MCMBP: variants seen among roughly 807,000 people sequenced by gnomAD.
The protein encoded by MCMBP is minichromosome maintenance complex binding protein.
MCMBP carries 31 observed loss-of-function variants against 81.3 expected under a neutral mutation model. That is an observed-to-expected ratio of 0.38 (90% CI 0.29 to 0.51). The LOEUF (loss-of-function observed/expected upper bound fraction) is 0.51. Ranked by LOEUF, MCMBP falls within the 20% of genes least tolerant of loss-of-function variation. The probability of loss-of-function intolerance (pLI) is 0.87; values close to 1 mark genes in which losing one functional copy is unlikely to be tolerated. For synonymous variants in MCMBP, 267 were observed against 275.9 expected (o/e 0.97, Z 0.32); for missense variants, 645 against 772.1 (o/e 0.84, Z 1.95).
chr10:119,841,959 G>A (rs1467050886), intron 10 of MCMBP, among the ~76,000 whole-genome samples: 1 of 152,190 alleles, frequency 6.6e-6, no homozygotes, highest in African/African-American at 2.4e-5. Context: ...ACTGGTTCAT[G>A]GCCTGTTAGG....
rs1265729431 is a variant in MCMBP at position 119,872,461 on chromosome 10, G to A, written c.58+66C>T. 1.4e-5 allele frequency: 14 copies of A among 998,466 alleles called. No homozygotes were observed. In the East Asian group the frequency reaches 5.4e-4, roughly 39 times the overall value. 61.9% of individuals were successfully genotyped at this position (998,466 alleles called of 1,614,324 possible). On this transcript the variant is annotated intron_variant, in intron 1 of 15. Transcript: ENST00000369077. ...GTACCGCGTGGGGGCCGCGCGGCGG[G>A]GCCCTGCCCCGGGGCCCGGCAAACT...
At chr10:119,873,476 G>C (rs1236678084), upstream of MCMBP, 1 of 152,288 alleles carries the variant, frequency 6.6e-6, no homozygotes, top group African/African-American at 2.4e-5. Flanking sequence ...CTGCGCCCTG[G>C]TTGCGAACAC....
Position 119,868,966 on chromosome 10 carries a change from G to A in MCMBP, c.58+3561C>T, listed in dbSNP as rs1263051822. Among the ~76,000 whole-genome samples, 3 of 152,278 alleles carry A rather than the reference G, an allele frequency of 2.0e-5. No homozygotes were observed. The East Asian group carries it at 5.8e-4, about 29-fold the overall frequency. On this transcript the variant is annotated intron_variant, in intron 1 of 15. Coordinates refer to ENST00000369077, the MANE Select transcript of MCMBP (RefSeq NM_001256378.2). ...AGCAAGGCAAGGGTGGAGCCAACAA[G>A]GGCCTCATAAACCACTTTAAAAGTC...
upstream of MCMBP, among the ~76,000 whole-genome samples, chr10:119,873,035 C>A (rs940967209): frequency 6.6e-6 from 1 of 151,854 alleles, no homozygotes; most frequent in Non-Finnish European, 1.5e-5. Flanking sequence ...GCGCGGGGCC[C>A]GGCGACGCGC....
rs549341607 is a variant in MCMBP at position 119,830,836 on chromosome 10, T to C, written c.*638A>G. ...TAGTACCCCAGATTTTTGGAAATATTACTACCGGTCCATAAAATACAAAAG... is the reference window on the plus strand; with the variant it reads ...TAGTACCCCAGATTTTTGGAAATATCACTACCGGTCCATAAAATACAAAAG... On this transcript the variant is annotated 3_prime_UTR_variant, in exon 16 of 16. Transcript: ENST00000369077. 3 of 152,740 alleles carry C rather than the reference T, an allele frequency of 2.0e-5. No homozygotes were observed. The highest frequency in any genetic ancestry group is 2.9e-5 in the Non-Finnish European group (2 of 68,030). The allele number at this position is 152,740 out of a possible 1,614,324, so 9.5% of individuals were successfully genotyped here.
intron 1 of MCMBP, among the ~76,000 whole-genome samples, chr10:119,870,674 T>C (rs1768186119): frequency 6.6e-6 from 1 of 152,174 alleles, no homozygotes; most frequent in African/African-American, 2.4e-5. Context: ...GGGAAAACAA[T>C]TTCCTACTAA....
Position 119,843,377 on chromosome 10 carries a change from C to A in MCMBP, c.877G>T (p.Glu293Ter), listed in dbSNP as rs1200363009. ...GCAGGAGGACTGTGTACTCTCTGCT[C>A]CTCTGCTGTGTCTGTGCACTCCATC... ...DPMECTDTAEEQRVHSPPASL... is the reference protein window; with the variant it reads ...DPMECTDTAE Residue 293 changes from glutamate (E) to a stop codon, truncating the protein, a stop_gained, in exon 9 of 16, where the codon GAG becomes TAG. Transcript: ENST00000369077. LOFTEE classifies it high-confidence loss of function. 6.2e-7 allele frequency: 1 copy of A among 1,613,930 alleles called. No individual in the cohort carries two copies.
chr10:119,872,597 C>G lies in MCMBP; in HGVS notation c.-13G>C. On this transcript the variant is annotated 5_prime_UTR_variant, in exon 1 of 16. Transcript: ENST00000369077. ...CCCCACACGGCATCTCGCCAGGGGC[C>G]GGGGCCGGCGAAGACCGGGCGGAGG... 8.5e-7 allele frequency: 1 copy of G among 1,170,216 alleles called. No individual in the cohort carries two copies. Among genetic ancestry groups the G allele is most frequent in the Non-Finnish European group, 1.1e-6 (1 of 941,500 alleles). The allele number at this position is 1,170,216 out of a possible 1,614,324, so 72.5% of individuals were successfully genotyped here. A position where few individuals can be genotyped will look rare whatever the true frequency, so the allele number is the denominator to read the frequency against.
At chr10:119,866,217 G>A (rs1419841670) in intron 1 of MCMBP, among the ~76,000 whole-genome samples, 1 of 152,056 alleles carries the variant, frequency 6.6e-6, no homozygotes, top group Non-Finnish European at 1.5e-5. Context: ...CCACCTACAC[G>A]AAACGTCCAG....
At chr10:119,848,908 G>C (rs1852713575) in intron 7 of MCMBP, among the ~76,000 whole-genome samples, 1 of 152,190 alleles carries the variant, frequency 6.6e-6, no homozygotes, top group East Asian at 1.9e-4. Flanking sequence ...AAGTTGTTCT[G>C]CTTCTGCATT....
rs138353467 is a variant in MCMBP, at chr10:119,838,634, T to C, written c.1309A>G (p.Thr437Ala). The stretch of plus-strand genomic sequence containing the variant: ...AGCCCACTGACCAAGCGATTGGCTG[T>C]GTAGTCTTTGTGGGGAATGAATTTC... ...HLKFIPHKDY[T>A]ANRLVSGLLQ... is the part of the protein sequence containing the mutation. Residue 437 changes from threonine (T) to alanine (A), a missense_variant, in exon 12 of 16, where the codon ACA becomes GCA. Transcript: ENST00000369077. 63 of 1,614,080 alleles carry C rather than the reference T, an allele frequency of 3.9e-5. No homozygotes were observed. In the African/African-American group the frequency reaches 6.7e-4, roughly 17 times the overall value.
chr10:119,868,962 A>G (rs1405131555), intron 1 of MCMBP, among the ~76,000 whole-genome samples: 1 of 152,224 alleles, frequency 6.6e-6, no homozygotes, highest in African/African-American at 2.4e-5. Context: ...GGTGGAGCCA[A>G]CAAGGGCCTC....
chr10:119,837,000 G>A lies in MCMBP; in HGVS notation c.1438C>T (p.Leu480Phe). The change falls in exon 13 of 16, where the codon CTC becomes TTC. Residue 480 changes from leucine (L) to phenylalanine (F), a missense_variant. Leu to Phe is a conservative substitution (Grantham distance 22). Transcript: ENST00000369077. ...GVHNVTALSN[L>F]ITWQKVDYDF... ...TAATCCACCTTCTGCCACGTTATGA[G>A]GTTGCTCAGGGCTGTCACATTATGA... 1 of 1,613,582 alleles carries A rather than the reference G, an allele frequency of 6.2e-7. No individual in the cohort carries two copies. The highest frequency in any genetic ancestry group is 8.5e-7 in the Non-Finnish European group (1 of 1,179,802).
At chr10:119,872,502 C>T in intron 1 of MCMBP, 25 bp downstream of exon 1, 1 of 1,177,116 alleles carries the variant, frequency 8.5e-7, no homozygotes, top group Non-Finnish European at 1.1e-6. Flanking sequence ...GCCCGCCCGG[C>T]CCGCCCCCCG....
At chr10:119,853,282 T>C in intron 5 of MCMBP, 88 bp from the exon 6 acceptor site, 1 of 1,372,388 alleles carries the variant, frequency 7.3e-7, no homozygotes, top group Non-Finnish European at 1.0e-6. Flanking sequence ...AAATTACTAG[T>C]TTGGCAATTC....
intron 10 of MCMBP, among the ~76,000 whole-genome samples, chr10:119,841,724 C>G (rs1047269822): frequency 6.6e-6 from 1 of 152,194 alleles, no homozygotes. Context: ...GTTCTTGGAA[C>G]TTGTCAAAGG....
intron 11 of MCMBP, among the ~76,000 whole-genome samples, chr10:119,839,291 CTT>C (rs1196046698): frequency 6.6e-6 from 1 of 152,202 alleles, no homozygotes; most frequent in East Asian, 1.9e-4. Context: ...TCCTCCAGCT[CTT>C]GAGCCACCAT....
At chr10:119,851,810 A>G (rs1852834166) in intron 6 of MCMBP, among the ~76,000 whole-genome samples, 1 of 152,224 alleles carries the variant, frequency 6.6e-6, no homozygotes, top group Non-Finnish European at 1.5e-5. Flanking sequence ...GTAGAGTAAT[A>G]TAAGGGTAAA....
Position 119,872,816 on chromosome 10 carries a change from C to A in MCMBP, c.-232G>T, listed in dbSNP as rs1245553724. Reference sequence around the variant, plus strand: ...CTGGCGACAGTCAGGCGGGCGCGTACGGGCCCCTAGCCTTCACTTCGCACA... The same window carrying A: ...CTGGCGACAGTCAGGCGGGCGCGTAAGGGCCCCTAGCCTTCACTTCGCACA... On this transcript the variant is annotated 5_prime_UTR_variant, in exon 1 of 16. Coordinates refer to ENST00000369077, the MANE Select transcript of MCMBP (RefSeq NM_001256378.2). The A allele has an allele frequency of 6.0e-6, 1 of 167,570 alleles. No individual in the cohort carries two copies. The highest frequency in any genetic ancestry group is 2.4e-5 in the African/African-American group (1 of 41,608). 10.4% of individuals were successfully genotyped at this position (167,570 alleles called of 1,614,324 possible).
Sources: allele counts gnomAD v4.1 joint callset (sites outside exome capture counted in the v4.1 genomes callset), GRCh38; gene constraint gnomAD v4.1.1; transcripts MANE v1.5; gene names NCBI Gene and HGNC (gene_info 2026-07-23, HGNC 2026-07-21).